Variants in ATR observed in about 807,000 individuals in gnomAD.
ATR encodes the protein ATR checkpoint kinase.
Under a neutral mutation model 305.3 loss-of-function variants are expected in ATR, and 142 were observed. That is an observed-to-expected ratio of 0.47 (90% CI 0.41 to 0.53). The LOEUF is 0.53. ATR is among the 20% of genes least tolerant of loss of function. The pLI, the probability that ATR is intolerant of heterozygous loss-of-function variation, is 0.00. For missense variants in ATR, 2,135 were observed against 3,133.1 expected, an observed-to-expected ratio of 0.68 and a Z score of 7.60; for synonymous variants, 1,050 against 1,068.1, an observed-to-expected ratio of 0.98 and a Z score of 0.33.
intron 21 of ATR, among the ~76,000 whole-genome samples, chr3:142,531,510 G>GT (rs1302295444): frequency 6.6e-6 from 1 of 151,860 alleles, no homozygotes; most frequent in Non-Finnish European, 1.5e-5. Flanking sequence ...GCGGTGTTTC[G>GT]TTTTTTGTCC....
chr3:142,567,744 A>G (rs1350865832), intron 2 of ATR, among the ~76,000 whole-genome samples: 3 of 152,230 alleles, frequency 2.0e-5, no homozygotes, highest in Non-Finnish European at 2.9e-5. Flanking sequence ...TACCACTGGC[A>G]TAACAGCTAA....
chr3:142,573,329 C>T (rs2035334030), intron 1 of ATR, among the ~76,000 whole-genome samples: 2 of 151,622 alleles, frequency 1.3e-5, no homozygotes, highest in East Asian at 3.9e-4. Flanking sequence ...CGCCTATAAT[C>T]CTAGTTACTT....
rs148940979 is a variant in ATR at position 142,481,078 on chromosome 3, C to T, written c.6221+4062G>A. 1.2e-3 allele frequency among the ~76,000 whole-genome samples: 187 copies of T among 152,296 alleles called. 1 individual carries two copies. In the East Asian group the frequency reaches 0.021, roughly 17 times the overall value. ...GCCCTGCTTCGGCTCATGCTCGGTG[C>T]GCTGCACCCACTGTCCTGCACCCAC... On this transcript the variant is annotated intron_variant, in intron 36 of 46. Transcript: ENST00000350721.
chr3:142,577,805 C>T (rs372487641), intron 1 of ATR, among the ~76,000 whole-genome samples: 4 of 152,312 alleles, frequency 2.6e-5, no homozygotes, highest in East Asian at 1.9e-4. Context: ...AGAATTAAAA[C>T]AAACAAAGCA....
At chr3:142,534,497 C>G (rs1028048053) in intron 21 of ATR, among the ~76,000 whole-genome samples, 13 of 152,192 alleles carry the variant, frequency 8.5e-5, no homozygotes, top group African/African-American at 3.1e-4. Context: ...CATATCTTAC[C>G]ATATGGGTTC....
At chr3:142,477,411 T>C (rs937708730) in intron 36 of ATR, among the ~76,000 whole-genome samples, 7 of 152,242 alleles carry the variant, frequency 4.6e-5, no homozygotes, top group African/African-American at 1.7e-4. Flanking sequence ...TTTGTGTATG[T>C]TGAACCAGCC....
rs1225340962 is a variant in ATR, at chr3:142,523,978, A to G, written c.4152+15T>C. The G allele has an allele frequency of 1.9e-6, 3 of 1,610,206 alleles. No homozygotes were observed. The Admixed American group carries it at 5.0e-5, about 27-fold the overall frequency. On this transcript the variant is annotated intron_variant, in intron 22 of 46. Transcript: ENST00000350721. ...ACAGAGAACTCTTTTGTCATTCCAA[A>G]TTTCCACTACTTACCACAAATGTAA...
chr3:142,525,762 C>T lies in ATR; in HGVS notation c.3946-1563G>A, dbSNP rs185091310. On this transcript the variant is annotated intron_variant, in intron 21 of 46. Transcript: ENST00000350721. The stretch of plus-strand genomic sequence containing the variant: ...GTTATTTGAGAGTATGGCACTCCTC[C>T]CATTGCTTTCTTGCTCCCTCTCTCA... Among the ~76,000 whole-genome samples, 496 of 152,242 alleles carry T rather than the reference C, an allele frequency of 3.3e-3. 2 individuals are homozygous for T. The highest frequency in any genetic ancestry group is 5.6e-3 in the Non-Finnish European group (381 of 68,012).
chr3:142,482,928 A>AT (rs1398846156), intron 36 of ATR, among the ~76,000 whole-genome samples: 4 of 146,122 alleles, frequency 2.7e-5, no homozygotes, highest in South Asian at 2.2e-4. Flanking sequence ...TTTTTTTTCC[A>AT]TTTTTTTTCT....
intron 21 of ATR, among the ~76,000 whole-genome samples, chr3:142,525,729 G>A (rs139709678): frequency 4.7e-4 from 71 of 152,212 alleles, no homozygotes; most frequent in African/African-American, 1.5e-3. Context: ...TAGTTCAAGT[G>A]ATAACTGGTT....
Position 142,556,093 on chromosome 3 carries a change from A to T in ATR, c.2125T>A (p.Ser709Thr), listed in dbSNP as rs2108471628. 6.2e-6 allele frequency: 10 copies of T among 1,613,428 alleles called. No homozygotes were observed. Among genetic ancestry groups the T allele is most frequent in the Non-Finnish European group, 8.5e-6 (10 of 1,179,800 alleles). ...GTACAGACAAGTTGACCAAGTATAG[A>T]AGCAAATTCTTTCTTGACAATGTCA... ...DSDIVKKEFA[S>T]ILGQLVCTLH... The change falls in exon 10 of 47, where the codon TCT (serine) becomes ACT (threonine). Residue 709 changes from serine (S) to threonine (T), a missense_variant. Transcript: ENST00000350721.
At position 142,556,587 on chromosome 3, in the gene ATR, A is replaced by G. The variant is rs1223688210; in HGVS notation, c.1886-12T>C. On this transcript the variant is annotated splice_polypyrimidine_tract_variant and intron_variant, in intron 8 of 46. Coordinates refer to ENST00000350721, the MANE Select transcript of ATR (RefSeq NM_001184.4). Reference sequence around the variant, plus strand: ...TTGTGCCTGTGGTGCTGAAAAAATTAAGTCTATTAAACAAGATTTCTACTA... The same window carrying G: ...TTGTGCCTGTGGTGCTGAAAAAATTGAGTCTATTAAACAAGATTTCTACTA... The G allele has an allele frequency of 6.2e-7, 1 of 1,612,864 alleles. No individual in the cohort carries two copies. Among genetic ancestry groups the G allele is most frequent in the Admixed American group, 1.7e-5 (1 of 60,008 alleles).
chr3:142,506,098 G>T (rs2032221314), intron 28 of ATR, among the ~76,000 whole-genome samples: 1 of 152,112 alleles, frequency 6.6e-6, no homozygotes, highest in South Asian at 2.1e-4. Context: ...CAACAGAAAA[G>T]AAAAAGAGAA....
chr3:142,502,890 T>A (rs564471521), intron 30 of ATR, among the ~76,000 whole-genome samples: 1 of 152,318 alleles, frequency 6.6e-6, no homozygotes, highest in African/African-American at 2.4e-5. Context: ...GTATTATTTT[T>A]TGTTTAATTT....
At position 142,465,121 on chromosome 3, in the gene ATR, C is replaced by T. The variant is rs1199952289; in HGVS notation, c.7017G>A (p.Met2339Ile). The T allele has an allele frequency of 6.4e-7, 1 of 1,566,780 alleles. No homozygotes were observed. The highest frequency in any genetic ancestry group is 1.8e-5 in the Admixed American group (1 of 57,118). Residue 2339 changes from methionine to isoleucine, a missense_variant, in exon 41 of 47, where the codon ATG (methionine) becomes ATA (isoleucine). Physicochemically the swap from Met to Ile is conservative, Grantham distance 10 (BLOSUM62 1). This residue lies in a region of ATR where 462 missense variants were observed against 887.6 expected (regional missense o/e 0.52). Coordinates refer to ENST00000350721, the MANE Select transcript of ATR (RefSeq NM_001184.4). ...CCTTATTAATCAAGGAATTGAATTC[C>T]ATTAGTCTACAATCCTTTCTCAGGT... ...KDDLRKDCRL[M>I]EFNSLINKCL...
At chr3:142,523,913 G>A in intron 22 of ATR, 80 bp downstream of exon 22, 1 of 1,411,782 alleles carries the variant, frequency 7.1e-7, no homozygotes, top group Non-Finnish European at 9.8e-7. Context: ...AGGATAAGCT[G>A]AATAGTTCTT....
intron 10 of ATR, among the ~76,000 whole-genome samples, chr3:142,555,233 T>A: frequency 1.8e-5 from 1 of 55,706 alleles, no homozygotes. Context: ...CAAAACTCCG[T>A]CTCGGGGAAA....
Position 142,512,489 on chromosome 3 carries a change from A to C in ATR, c.4642-19T>G. 1 of 1,525,956 alleles carries C rather than the reference A, an allele frequency of 6.6e-7. No individual in the cohort carries two copies. Among genetic ancestry groups the C allele is most frequent in the Non-Finnish European group, 9.0e-7 (1 of 1,110,978 alleles). The allele number at this position is 1,525,956 out of a possible 1,614,324, so 94.5% of individuals were successfully genotyped here. On this transcript the variant is annotated intron_variant, in intron 26 of 46. Coordinates refer to ENST00000350721, the MANE Select transcript of ATR (RefSeq NM_001184.4). ...CATAAACCTATGAGAATCATTTATA[A>C]TTAATAATAATATCTATATAATACC... is the stretch of plus-strand genomic sequence containing the variant.
In ATR at chr3:142,515,504, G is replaced by A. The variant is rs574869903; in HGVS notation, c.4394C>T (p.Ser1465Phe). Residue 1465 changes from serine (S) to phenylalanine (F), a missense_variant, in exon 25 of 47, where the codon TCT becomes TTT. Coordinates refer to ENST00000350721, the MANE Select transcript of ATR (RefSeq NM_001184.4). ...EPHLNTRYKS[S>F]QKSTDWSGVK... ...TCCAGACCAATCGGTTGACTTCTGA[G>A]AACTCTTGTATCTGTAATTTTGAAA... 1 of 1,610,770 alleles carries A rather than the reference G, an allele frequency of 6.2e-7. No individual in the cohort carries two copies. Among genetic ancestry groups the A allele is most frequent in the East Asian group, 2.2e-5 (1 of 44,770 alleles).
Sources: allele counts gnomAD v4.1 joint callset (sites outside exome capture counted in the v4.1 genomes callset), GRCh38; gene constraint gnomAD v4.1.1; regional missense constraint gnomAD v4.1.1; transcripts MANE v1.5; gene names NCBI Gene and HGNC (gene_info 2026-07-23, HGNC 2026-07-21).